Variants in CCDC175 observed in about 807,000 individuals in gnomAD.
The protein encoded by CCDC175 is coiled-coil domain containing 175.
In CCDC175, 100 loss-of-function variants were observed where a neutral mutation model predicts 114.6. The observed-to-expected ratio is 0.87, with a 90% CI of 0.74 to 1.03. The LOEUF (loss-of-function observed/expected upper bound fraction) is 1.03. Ranked by LOEUF, CCDC175 falls within the 50% of genes least tolerant of loss-of-function variation. CCDC175 has a pLI of 0.00. For missense variants in CCDC175, 880 were observed against 917.8 expected, an observed-to-expected ratio of 0.96 and a Z score of 0.53; for synonymous variants, 306 against 308.7, an observed-to-expected ratio of 0.99 and a Z score of 0.09.
intron 19 of CCDC175, among the ~76,000 whole-genome samples, chr14:59,509,824 C>T (rs1316107458): frequency 6.6e-6 from 1 of 152,146 alleles, no homozygotes; most frequent in East Asian, 1.9e-4. Context: ...TTACTTTTAT[C>T]CCATTTTACT....
intron 17 of CCDC175, among the ~76,000 whole-genome samples, chr14:59,514,500 C>T (rs372757353): frequency 3.0e-4 from 46 of 152,086 alleles, no homozygotes; most frequent in Admixed American, 4.6e-4. Context: ...AAACAAGGCA[C>T]GAGAACTACA....
chr14:59,551,827 C>T (rs931470641), intron 7 of CCDC175, among the ~76,000 whole-genome samples: 5 of 152,198 alleles, frequency 3.3e-5, no homozygotes, highest in Non-Finnish European at 7.3e-5. Context: ...TTATATCCCG[C>T]GCATGGCTCA....
intron 7 of CCDC175, among the ~76,000 whole-genome samples, chr14:59,553,643 T>G (rs892599332): frequency 1.3e-5 from 2 of 152,194 alleles, no homozygotes. Context: ...ATGGGCTAAA[T>G]GCTCCAATTA....
rs970634122 is a variant in CCDC175, at chr14:59,543,491, C to G, written c.1173-37G>C. 13 of 726,656 alleles carry G rather than the reference C, an allele frequency of 1.8e-5. No homozygotes were observed. In the Admixed American group the frequency reaches 2.7e-4, roughly 15 times the overall value. 45.0% of individuals were successfully genotyped at this position (726,656 alleles called of 1,614,324 possible). A position where few individuals can be genotyped will look rare whatever the true frequency, so the allele number is the denominator to read the frequency against. On this transcript the variant is annotated intron_variant, in intron 9 of 19. Coordinates refer to ENST00000537690, the MANE Select transcript of CCDC175 (RefSeq NM_001164399.2). ...AACAGAGTTATTTGTTGAAGGCTGA[C>G]ATAAATATGCAAACACAAATAAGAA... is the stretch of plus-strand genomic sequence containing the variant.
chr14:59,533,709 C>A (rs1387290927), intron 13 of CCDC175, among the ~76,000 whole-genome samples: 1 of 152,154 alleles, frequency 6.6e-6, no homozygotes, highest in Non-Finnish European at 1.5e-5. Flanking sequence ...CTCAATCCAG[C>A]CAGGCATGGT....
Position 59,565,216 on chromosome 14 carries a change from G to A in CCDC175, c.551C>T (p.Thr184Ile). 1 of 1,537,694 alleles carries A rather than the reference G, an allele frequency of 6.5e-7. No individual in the cohort carries two copies. The highest frequency in any genetic ancestry group is 8.7e-7 in the Non-Finnish European group (1 of 1,147,016). ...HARFVLSLNQ[T>I]MEKKATTTVY... ...AGTGGTGGTGGCTTTTTTCTCCATA[G>A]TTTGGTTGAGTGACAGGACAAACCT... The change falls in exon 5 of 20, where the codon ACT becomes ATT. Residue 184 changes from threonine (T) to isoleucine (I), a missense_variant. Coordinates refer to ENST00000537690, the MANE Select transcript of CCDC175 (RefSeq NM_001164399.2).
intron 3 of CCDC175, among the ~76,000 whole-genome samples, chr14:59,571,286 T>A (rs1256827720): frequency 6.6e-6 from 1 of 152,182 alleles, no homozygotes; most frequent in Non-Finnish European, 1.5e-5. Flanking sequence ...AATTTAAAAC[T>A]TTTGTGCTTC....
At chr14:59,563,609 G>A in intron 6 of CCDC175, 128 bp downstream of exon 6, 1 of 518,450 alleles carries the variant, frequency 1.9e-6, no homozygotes, top group Non-Finnish European at 3.0e-6. Flanking sequence ...TTTAAAGAAA[G>A]TGTCAGAAAA....
At chr14:59,538,264 A>G (rs1276808963) in intron 12 of CCDC175, 110 bp from the exon 13 acceptor site, 24 of 898,554 alleles carry the variant, frequency 2.7e-5, no homozygotes, top group Non-Finnish European at 3.6e-5. Flanking sequence ...TTCTGATTTC[A>G]GTTCATATAA....
chr14:59,536,941 T>A (rs994167279), intron 13 of CCDC175, among the ~76,000 whole-genome samples: 3 of 151,968 alleles, frequency 2.0e-5, no homozygotes, highest in Non-Finnish European at 4.4e-5. Flanking sequence ...CCACCATGCC[T>A]GGCTAATTTT....
intron 4 of CCDC175, 60 bp from the exon 5 acceptor site, chr14:59,565,335 G>T: frequency 1.5e-6 from 2 of 1,320,362 alleles, no homozygotes; most frequent in South Asian, 1.4e-5. Context: ...GGAATAGTCT[G>T]TGTGGTGAGA....
chr14:59,552,038 G>A (rs577630424), intron 7 of CCDC175, among the ~76,000 whole-genome samples: 2 of 152,164 alleles, frequency 1.3e-5, no homozygotes, highest in African/African-American at 4.8e-5. Flanking sequence ...CTCCAACTCT[G>A]GGGGCAGGAC....
chr14:59,557,753 A>G (rs1215198787), intron 7 of CCDC175, among the ~76,000 whole-genome samples: 1 of 152,146 alleles, frequency 6.6e-6, no homozygotes, highest in Non-Finnish European at 1.5e-5. Flanking sequence ...ACAAAAATGT[A>G]TACTCCTTTG....
At chr14:59,513,843 G>C (rs1222815825) in intron 17 of CCDC175, among the ~76,000 whole-genome samples, 1 of 152,206 alleles carries the variant, frequency 6.6e-6, no homozygotes, top group African/African-American at 2.4e-5. Flanking sequence ...CGCAGCTGGA[G>C]ATCTGAGAAT....
intron 7 of CCDC175, among the ~76,000 whole-genome samples, chr14:59,556,104 G>A (rs1249102618): frequency 6.6e-6 from 1 of 151,940 alleles, no homozygotes; most frequent in African/African-American, 2.4e-5. Context: ...TCACAGAATT[G>A]GAAAAAACTA....
At position 59,565,563 on chromosome 14, in the gene CCDC175, C is replaced by T. The variant is rs371074466; in HGVS notation, c.492-288G>A. ...CTCTACTAAAAATACAAAAATTAGC[C>T]GGGGATGGTGGCGTGCTCCTGTAAT... On this transcript the variant is annotated intron_variant, in intron 4 of 19. Coordinates refer to ENST00000537690, the MANE Select transcript of CCDC175 (RefSeq NM_001164399.2). Among the ~76,000 whole-genome samples the T allele has an allele frequency of 1.3e-4, 20 of 151,962 alleles. 2 individuals are homozygous for T. The highest frequency in any genetic ancestry group is 8.5e-4 in the Admixed American group (13 of 15,256).
At chr14:59,532,504 G>A (rs1327067597) in intron 13 of CCDC175, among the ~76,000 whole-genome samples, 1 of 152,198 alleles carries the variant, frequency 6.6e-6, no homozygotes, top group African/African-American at 2.4e-5. Flanking sequence ...GACATTTAAT[G>A]TTTGTTCTCT....
chr14:59,571,240 G>A (rs938245682), intron 3 of CCDC175, among the ~76,000 whole-genome samples: 1 of 151,744 alleles, frequency 6.6e-6, no homozygotes, highest in African/African-American at 2.4e-5. Flanking sequence ...AGCCTTCATG[G>A]CATTGAATTT....
intron 7 of CCDC175, among the ~76,000 whole-genome samples, chr14:59,553,713 G>A (rs1351885039): frequency 6.6e-6 from 1 of 152,078 alleles, no homozygotes; most frequent in Non-Finnish European, 1.5e-5. Context: ...CTGTATTCAG[G>A]AGACCCATCT....
Sources: gnomAD v4.1 joint callset for allele counts (sites outside exome capture counted in the v4.1 genomes callset) on GRCh38, gnomAD v4.1.1 for gene constraint, MANE v1.5 for transcripts, NCBI Gene and HGNC (gene_info 2026-07-23, HGNC 2026-07-21) for gene names.